Variants in ARSF observed in about 807,000 individuals in gnomAD.
ARSF encodes the protein arylsulfatase F.
In ARSF, 33 loss-of-function variants were observed where a neutral mutation model predicts 35.4. The ratio of observed to expected loss-of-function variants is 0.93; its 90% CI spans 0.71 to 1.25. The LOEUF (loss-of-function observed/expected upper bound fraction) is 1.25, where lower values mean the gene tolerates loss of function less well. ARSF is among the 50% of genes most tolerant of loss of function. The probability of loss-of-function intolerance (pLI) is 0.00; values close to 1 mark genes in which losing one functional copy is unlikely to be tolerated. For synonymous variants in ARSF, 222 were observed against 193.1 expected (o/e 1.15, Z -1.24); for missense variants, 501 against 480.2 (o/e 1.04, Z -0.40).
At chrX:3,043,626 T>A (rs1324057104) in intron 1 of ARSF, among the ~76,000 whole-genome samples, 4 of 111,340 alleles carry the variant, frequency 3.6e-5, no homozygotes, top group Non-Finnish European at 7.5e-5. Flanking sequence ...GGATGGTAAC[T>A]CTCTCCTTCA....
At position 3,110,114 on chromosome X, in the gene ARSF, CTG is replaced by C. The variant is rs753159540; in HGVS notation, c.1266-10_1266-9del. 1.7e-6 allele frequency: 2 copies of C among 1,163,677 alleles called. No individual in the cohort carries two copies. Among genetic ancestry groups the C allele is most frequent in the East Asian group, 6.2e-5 (2 of 32,459 alleles). On this transcript the variant is annotated splice_polypyrimidine_tract_variant and intron_variant, in intron 9 of 10. Coordinates refer to ENST00000381127, the MANE Select transcript of ARSF (RefSeq NM_001201539.2). ...TCCTCATTTTCCTTATCTGCACTGTCTGTGTCTCTGCAGGGTCATTGACGGCC... is the reference window on the plus strand; with the variant it reads ...TCCTCATTTTCCTTATCTGCACTGTCTGTCTCTGCAGGGTCATTGACGGCC...
intron 1 of ARSF, among the ~76,000 whole-genome samples, chrX:3,061,452 A>G (rs1317088485): frequency 9.0e-6 from 1 of 111,587 alleles, no homozygotes; most frequent in Non-Finnish European, 1.9e-5. Context: ...ACACCTAACA[A>G]TATTAACCTT....
rs1426563567 is a variant in ARSF at position 3,062,718 on chromosome X, T to C, written c.-28-5355T>C. On this transcript the variant is annotated intron_variant, in intron 1 of 10. Transcript: ENST00000381127. Reference sequence around the variant, plus strand: ...AGAAAATCTAGAAGAAATGGATAAATTTCTGGACACATACACCCTCCCAAG... The same window carrying C: ...AGAAAATCTAGAAGAAATGGATAAACTTCTGGACACATACACCCTCCCAAG... 3.6e-5 allele frequency among the ~76,000 whole-genome samples: 4 copies of C among 111,624 alleles called. No individual in the cohort carries two copies. In the Admixed American group the frequency reaches 3.8e-4, roughly 11 times the overall value.
In ARSF at chrX:3,093,927, G is replaced by C. The variant is rs767434794; in HGVS notation, c.967+4295G>C. Among the ~76,000 whole-genome samples, 3 of 111,615 alleles carry C rather than the reference G, an allele frequency of 2.7e-5. No individual in the cohort carries two copies. In the East Asian group the frequency reaches 8.5e-4, roughly 32 times the overall value. The stretch of plus-strand genomic sequence containing the variant: ...TCCTCTTTTATTTTTTTGACTTATT[G>C]GGTTCGTGCAAAAGTAACTGAGGTC... On this transcript the variant is annotated intron_variant, in intron 7 of 10. Transcript: ENST00000381127.
chrX:3,110,355 T>C (rs931146781), intron 10 of ARSF, 103 bp downstream of exon 10: 17 of 860,620 alleles, frequency 2.0e-5, no homozygotes, highest in Middle Eastern at 3.3e-4. Context: ...GTCCTTTCAT[T>C]CCAGGGCTCA....
intron 6 of ARSF, among the ~76,000 whole-genome samples, chrX:3,086,720 AGG>A: frequency 9.0e-6 from 1 of 111,663 alleles, no homozygotes; most frequent in East Asian, 2.8e-4. Flanking sequence ...CAGGAGGCTG[AGG>A]TGGGAGGATT....
In ARSF at chrX:3,080,892, T is replaced by A. The variant is rs1354704351; in HGVS notation, c.285T>A (p.Gly95=). Residue 95 remains glycine, a splice_region_variant and synonymous_variant, in exon 5 of 11, where the codon GGT becomes GGA. Coordinates refer to ENST00000381127, the MANE Select transcript of ARSF (RefSeq NM_001201539.2). Reference sequence around the variant, plus strand: ...TACTTTTTTCCACACTACATCTAGGTATGGTTTCTAGTGGTAATAGACGTG... The same window carrying A: ...TACTTTTTTCCACACTACATCTAGGAATGGTTTCTAGTGGTAATAGACGTG... ...FLTGRYPIRS[G]MVSSGNRRVI... is the part of the protein sequence containing the mutation. 8.3e-7 allele frequency: 1 copy of A among 1,210,687 alleles called. No homozygotes were observed. Among genetic ancestry groups the A allele is most frequent in the Admixed American group, 2.2e-5 (1 of 45,869 alleles).
chrX:3,082,893 G>A (rs143989660), intron 5 of ARSF, among the ~76,000 whole-genome samples: 1 of 110,148 alleles, frequency 9.1e-6, no homozygotes, highest in African/African-American at 3.3e-5. Flanking sequence ...GTATCCATCT[G>A]TCCACCTACA....
At position 3,108,154 on chromosome X, in the gene ARSF, T is replaced by C. The variant is rs1007464590; in HGVS notation, c.1266-1974T>C. Reference sequence around the variant, plus strand: ...TCAATTCCTGGACTCTCCTATTTCATTGATCCATTGAAACCCTTATTTCAA... The same window carrying C: ...TCAATTCCTGGACTCTCCTATTTCACTGATCCATTGAAACCCTTATTTCAA... On this transcript the variant is annotated intron_variant, in intron 9 of 10. Transcript: ENST00000381127. Among the ~76,000 whole-genome samples, 3 of 112,248 alleles carry C rather than the reference T, an allele frequency of 2.7e-5. No homozygotes were observed. In the Admixed American group the frequency reaches 2.8e-4, roughly 11 times the overall value.
rs141944603 is a variant in ARSF, at chrX:3,076,630, C to T, written c.244C>T (p.Arg82Trp). The T allele has an allele frequency of 2.0e-5, 24 of 1,209,867 alleles. No homozygotes were observed. Among genetic ancestry groups the T allele is most frequent in the South Asian group, 1.1e-4 (6 of 56,756 alleles). ...TGCCGCCTCCCTCTGCAGCCCAAGC[C>T]GGTCCGCGTTCTTGACGGGAAGATA... The part of the protein sequence containing the change: ...ISAASLCSPS[R>W]SAFLTGRYPI... The change falls in exon 4 of 11, where the codon CGG (arginine) becomes TGG (tryptophan). Residue 82 changes from arginine to tryptophan, a missense_variant. Arg to Trp is a moderately radical substitution (Grantham distance 101). Transcript: ENST00000381127.
intron 1 of ARSF, among the ~76,000 whole-genome samples, chrX:3,060,257 A>G (rs755766429): frequency 3.6e-5 from 4 of 110,940 alleles, no homozygotes; most frequent in Non-Finnish European, 7.6e-5. Context: ...ACAGAAAGGA[A>G]TAGCATCAAC....
At chrX:3,105,117 A>T (rs991156347) in intron 9 of ARSF, among the ~76,000 whole-genome samples, 1 of 112,091 alleles carries the variant, frequency 8.9e-6, no homozygotes, top group Admixed American at 9.5e-5. Context: ...AAGCCCACAG[A>T]GTTCTTGTAA....
Position 3,076,689 on chromosome X carries a change from C to T in ARSF, c.283+20C>T, listed in dbSNP as rs182309515. 10 of 1,203,538 alleles carry T rather than the reference C, an allele frequency of 8.3e-6. No homozygotes were observed. In the East Asian group the frequency reaches 1.8e-4, roughly 22 times the overall value. Reference sequence around the variant, plus strand: ...GATCAGGTGCGCAAACTGGCGGGCTCTGCTGGGCTCTGCCCTCATGTTAGG... The same window carrying T: ...GATCAGGTGCGCAAACTGGCGGGCTTTGCTGGGCTCTGCCCTCATGTTAGG... On this transcript the variant is annotated intron_variant, in intron 4 of 10. Coordinates refer to ENST00000381127, the MANE Select transcript of ARSF (RefSeq NM_001201539.2).
chrX:3,080,137 C>T lies in ARSF; in HGVS notation c.284-754C>T, dbSNP rs745903810. 5.0e-3 allele frequency among the ~76,000 whole-genome samples: 558 copies of T among 110,584 alleles called. 1 individual carries two copies. Among genetic ancestry groups the T allele is most frequent in the Middle Eastern group, 9.3e-3 (2 of 215 alleles). ...GCAGAATAAAATCGCACGTATCAACCCTACTGCCAGTCTGCTGACACTGAC... is the reference window on the plus strand; with the variant it reads ...GCAGAATAAAATCGCACGTATCAACTCTACTGCCAGTCTGCTGACACTGAC... On this transcript the variant is annotated intron_variant, in intron 4 of 10. Transcript: ENST00000381127.
chrX:3,091,826 T>TAGAG (rs1174791123), intron 7 of ARSF, among the ~76,000 whole-genome samples: 11 of 108,764 alleles, frequency 1.0e-4, no homozygotes, highest in African/African-American at 3.7e-4. Context: ...GATGGACTGA[T>TAGAG]AGTTGATAGA....
intron 1 of ARSF, among the ~76,000 whole-genome samples, chrX:3,042,528 GCT>G (rs758617425): frequency 9.0e-6 from 1 of 110,601 alleles, no homozygotes; most frequent in African/African-American, 3.3e-5. Flanking sequence ...ATGGAGCCTC[GCT>G]CTGTCTCCCA....
At chrX:3,073,067 A>G (rs1449060398) in intron 3 of ARSF, among the ~76,000 whole-genome samples, 1 of 100,294 alleles carries the variant, frequency 1.0e-5, no homozygotes, top group Admixed American at 1.2e-4. Flanking sequence ...AAATAAATAT[A>G]TAAACATATA....
intron 7 of ARSF, among the ~76,000 whole-genome samples, chrX:3,094,177 T>C (rs5939164): frequency 0.097 from 10,812 of 111,454 alleles, 478 homozygotes; most frequent in African/African-American, 0.16. Flanking sequence ...CATCATCATG[T>C]TTATCTCCAT....
At chrX:3,052,711 A>G (rs770431999) in intron 1 of ARSF, among the ~76,000 whole-genome samples, 1 of 108,968 alleles carries the variant, frequency 9.2e-6, no homozygotes, top group Admixed American at 1.0e-4. Context: ...AAAAAAAGAT[A>G]CATTCAAAGA....
Sources: gnomAD v4.1 joint callset for allele counts (sites outside exome capture counted in the v4.1 genomes callset) on GRCh38, gnomAD v4.1.1 for gene constraint, MANE v1.5 for transcripts, NCBI Gene and HGNC (gene_info 2026-07-23, HGNC 2026-07-21) for gene names.